The following DOCK10 variants were observed in gnomAD, a reference collection of about 807,000 sequenced individuals.
DOCK10 encodes the protein dedicator of cytokinesis 10, also known as dedicator of cytokinesis protein 10.
A neutral mutation model predicts 280.1 loss-of-function variants in DOCK10; 145 were observed. The observed-to-expected ratio is 0.52, with a 90% confidence interval of 0.45 to 0.59. The LOEUF (loss-of-function observed/expected upper bound fraction) is 0.59. Among genes scored for constraint, DOCK10 ranks in the 20% least tolerant of loss-of-function variants. DOCK10 has a pLI of 0.00. For missense variants in DOCK10, 2,368 were observed against 2,651.7 expected (o/e 0.89, Z 2.35); for synonymous variants, 915 against 942.2 (o/e 0.97, Z 0.53).
intron 31 of DOCK10, among the ~76,000 whole-genome samples, chr2:224,809,309 A>C (rs550223206): frequency 6.6e-6 from 1 of 152,310 alleles, no homozygotes; most frequent in Non-Finnish European, 1.5e-5. Context: ...ATATCACCCC[A>C]AAAACACAGT....
At chr2:224,927,366 G>A (rs558933837) in intron 2 of DOCK10, among the ~76,000 whole-genome samples, 16 of 152,288 alleles carry the variant, frequency 1.1e-4, no homozygotes, top group Admixed American at 6.5e-4. Context: ...GAGGCATGGC[G>A]TTATCTAATT....
intron 14 of DOCK10, among the ~76,000 whole-genome samples, chr2:224,857,393 G>A (rs939188528): frequency 1.3e-5 from 2 of 152,148 alleles, no homozygotes; most frequent in African/African-American, 4.8e-5. Context: ...ACGAGTGGTG[G>A]AACAGGGAGA....
At chr2:224,917,931 G>C (rs573561618) in intron 2 of DOCK10, among the ~76,000 whole-genome samples, 2 of 152,204 alleles carry the variant, frequency 1.3e-5, no homozygotes, top group East Asian at 1.9e-4. Context: ...CTGAGATCTC[G>C]TATATTGCAC....
At chr2:224,956,345 G>A (rs1015744977) in intron 1 of DOCK10, among the ~76,000 whole-genome samples, 44 of 152,248 alleles carry the variant, frequency 2.9e-4, no homozygotes, top group Middle Eastern at 6.8e-3. Context: ...ATCCATTGGC[G>A]GGCACGGTGG....
At chr2:224,880,631 A>G (rs1659236419) in intron 7 of DOCK10, among the ~76,000 whole-genome samples, 1 of 152,196 alleles carries the variant, frequency 6.6e-6, no homozygotes, top group African/African-American at 2.4e-5. Context: ...CTTCATAAAT[A>G]GTAGGAACCT....
At chr2:225,027,747 T>G (rs1156295115) in intron 1 of DOCK10, among the ~76,000 whole-genome samples, 1 of 152,216 alleles carries the variant, frequency 6.6e-6, no homozygotes, top group Non-Finnish European at 1.5e-5. Flanking sequence ...TGGAACTGTA[T>G]GTGAGCCAAT....
intron 1 of DOCK10, among the ~76,000 whole-genome samples, chr2:224,956,861 T>C (rs1358269932): frequency 1.3e-5 from 2 of 152,186 alleles, no homozygotes; most frequent in South Asian, 4.2e-4. Context: ...GTATACTCAG[T>C]CAGGTGGAAT....
At chr2:225,033,106 G>A (rs1690127675) in intron 1 of DOCK10, among the ~76,000 whole-genome samples, 1 of 152,052 alleles carries the variant, frequency 6.6e-6, no homozygotes, top group South Asian at 2.1e-4. Context: ...TCTCAGAGGA[G>A]GTATGCTGAA....
intron 19 of DOCK10, among the ~76,000 whole-genome samples, chr2:224,849,217 G>A (rs907679331): frequency 1.3e-5 from 2 of 152,060 alleles, no homozygotes; most frequent in African/African-American, 2.4e-5. Context: ...CTTGTGATCC[G>A]CCTGCCTTGG....
chr2:224,844,277 T>C (rs549244498), intron 22 of DOCK10, among the ~76,000 whole-genome samples: 50 of 152,240 alleles, frequency 3.3e-4, no homozygotes, highest in African/African-American at 1.1e-3. Context: ...ATTACAGGCA[T>C]GCGTCACCAT....
intron 7 of DOCK10, among the ~76,000 whole-genome samples, chr2:224,879,135 T>C (rs559574103): frequency 6.6e-6 from 1 of 152,330 alleles, no homozygotes; most frequent in African/African-American, 2.4e-5. Flanking sequence ...GAAAAAATCA[T>C]TTTGACTGCA....
At chr2:224,874,429 G>A (rs1428594454) in intron 9 of DOCK10, 80 bp from the exon 10 acceptor site, 1 of 1,135,816 alleles carries the variant, frequency 8.8e-7, no homozygotes, top group African/African-American at 1.5e-5. Flanking sequence ...CCAAGAAGCA[G>A]CCCCTTAGTA....
intron 50 of DOCK10, chr2:224,784,669 C>T (rs1574814409): frequency 7.9e-7 from 1 of 1,263,876 alleles, no homozygotes. Flanking sequence ...TTCAGTAAAA[C>T]CATACAGAGG....
intron 1 of DOCK10, among the ~76,000 whole-genome samples, chr2:224,938,107 T>C (rs1239142970): frequency 1.3e-5 from 2 of 152,206 alleles, no homozygotes; most frequent in African/African-American, 4.8e-5. Context: ...GTAGTTATTC[T>C]TGGTTCTCTT....
At chr2:224,813,679 TGACC>T (rs1693936655) in intron 31 of DOCK10, among the ~76,000 whole-genome samples, 1 of 152,198 alleles carries the variant, frequency 6.6e-6, no homozygotes, top group African/African-American at 2.4e-5. Context: ...AGCTCATAAA[TGACC>T]AATAGCAAAT....
intron 1 of DOCK10, among the ~76,000 whole-genome samples, chr2:224,951,891 T>C (rs1703752150): frequency 6.6e-6 from 1 of 152,188 alleles, no homozygotes; most frequent in African/African-American, 2.4e-5. Context: ...GGGTTATTCT[T>C]AGCTTTCAGA....
chr2:224,936,723 A>G (rs1396867303), intron 1 of DOCK10, among the ~76,000 whole-genome samples: 6 of 152,160 alleles, frequency 3.9e-5, no homozygotes, highest in African/African-American at 1.4e-4. Flanking sequence ...ATGGGTCCTA[A>G]TATTATCAGT....
At chr2:225,005,729 GA>G (rs1434043449) in intron 1 of DOCK10, among the ~76,000 whole-genome samples, 1 of 152,218 alleles carries the variant, frequency 6.6e-6, no homozygotes, top group East Asian at 1.9e-4. Context: ...GTCTTTGTGT[GA>G]AGGGGAAGAA....
At chr2:224,996,835 G>A (rs73083760) in intron 1 of DOCK10, among the ~76,000 whole-genome samples, 9,111 of 152,228 alleles carry the variant, frequency 0.06, 317 homozygotes, top group Middle Eastern at 0.12. Flanking sequence ...AGACATCAGG[G>A]GTGGTATTGA....
Sources: allele counts gnomAD v4.1 joint callset (sites outside exome capture counted in the v4.1 genomes callset), GRCh38; gene constraint gnomAD v4.1.1; transcripts MANE v1.5; gene names NCBI Gene and HGNC (gene_info 2026-07-23, HGNC 2026-07-21).